The following NRCAM variants were observed in gnomAD, a reference collection of about 807,000 sequenced individuals.
NRCAM encodes neuronal cell adhesion molecule.
Under a neutral mutation model 156.5 loss-of-function variants are expected in NRCAM, and 83 were observed. The observed-to-expected ratio is 0.53, with a 90% CI of 0.44 to 0.64. NRCAM has a LOEUF of 0.64. Ranked by LOEUF, NRCAM falls within the 30% of genes least tolerant of loss-of-function variation. NRCAM has a pLI of 0.00. For missense variants in NRCAM, 1,417 were observed against 1,597.3 expected, an observed-to-expected ratio of 0.89 and a Z score of 1.92; for synonymous variants, 538 against 563.9, an observed-to-expected ratio of 0.95 and a Z score of 0.65.
chr7:108,440,136 A>G (rs1415836759), intron 1 of NRCAM, among the ~76,000 whole-genome samples: 2 of 152,154 alleles, frequency 1.3e-5, no homozygotes, highest in African/African-American at 2.4e-5. Context: ...ACTGGTGAAT[A>G]CGTAAACTCA....
chr7:108,412,047 A>T, intron 1 of NRCAM, among the ~76,000 whole-genome samples: 1 of 152,330 alleles, frequency 6.6e-6, no homozygotes, highest in East Asian at 1.9e-4. Context: ...AAATTTTGAT[A>T]AAAAATATCA....
chr7:108,185,132 T>G (rs1438898076), intron 20 of NRCAM, among the ~76,000 whole-genome samples: 2 of 152,140 alleles, frequency 1.3e-5, no homozygotes, highest in Non-Finnish European at 2.9e-5. Context: ...TTAACACACT[T>G]CGTTGACTAT....
At chr7:108,360,774 A>G (rs2099545166) in intron 2 of NRCAM, among the ~76,000 whole-genome samples, 1 of 152,198 alleles carries the variant, frequency 6.6e-6, no homozygotes, top group Non-Finnish European at 1.5e-5. Context: ...TGGTGTTGGG[A>G]TAAGTGGAAA....
chr7:108,382,764 T>C (rs1360470184), intron 2 of NRCAM, among the ~76,000 whole-genome samples: 4 of 152,160 alleles, frequency 2.6e-5, no homozygotes, highest in Admixed American at 1.3e-4. Context: ...AGTATCACTT[T>C]TCTTAAAAGC....
At chr7:108,402,618 G>A (rs2099796025) in intron 1 of NRCAM, among the ~76,000 whole-genome samples, 1 of 152,162 alleles carries the variant, frequency 6.6e-6, no homozygotes, top group African/African-American at 2.4e-5. Context: ...TCTATATGAA[G>A]CTGAATCTCT....
intron 8 of NRCAM, among the ~76,000 whole-genome samples, chr7:108,230,328 C>T (rs1181828367): frequency 1.3e-5 from 2 of 151,528 alleles, no homozygotes. Context: ...AAGTCCAAGT[C>T]ACCAACAAAT....
In NRCAM at chr7:108,176,539, A is replaced by C; in HGVS notation, c.3042T>G (p.Thr1014=). 1.2e-6 allele frequency: 2 copies of C among 1,613,812 alleles called. No homozygotes were observed. Among genetic ancestry groups the C allele is most frequent in the South Asian group, 1.1e-5 (1 of 91,072 alleles). ...LKIPANKTRW[T]LKNLNFSTRY... ...GAGTGCTGAAATTTAAATTTTTTAA[A>C]GTCCACCGTGTCTTGTTGGCAGGAA... is the stretch of plus-strand genomic sequence containing the variant. Residue 1014 remains threonine, a synonymous_variant, in exon 27 of 33, where the codon ACT becomes ACG. Coordinates refer to ENST00000379028, the MANE Select transcript of NRCAM (RefSeq NM_001037132.4).
Position 108,191,867 on chromosome 7 carries a change from G to A in NRCAM, c.1779-14C>T, listed in dbSNP as rs1301536845. 4 of 1,609,642 alleles carry A rather than the reference G, an allele frequency of 2.5e-6. No homozygotes were observed. Among genetic ancestry groups the A allele is most frequent in the Non-Finnish European group, 3.4e-6 (4 of 1,177,882 alleles). ...TCAACAGTGAACCTGTGGATAGAAT[G>A]CATTCAGAGCAGCTGAAATGGACAT... On this transcript the variant is annotated splice_polypyrimidine_tract_variant and intron_variant, in intron 17 of 32. Coordinates refer to ENST00000379028, the MANE Select transcript of NRCAM (RefSeq NM_001037132.4).
At chr7:108,391,777 C>CA (rs2099760903) in intron 2 of NRCAM, among the ~76,000 whole-genome samples, 1 of 152,186 alleles carries the variant, frequency 6.6e-6, no homozygotes, top group African/African-American at 2.4e-5. Flanking sequence ...CTGGTGGTGA[C>CA]AAAATCTCTC....
chr7:108,375,802 T>C (rs1276669072), intron 2 of NRCAM, among the ~76,000 whole-genome samples: 2 of 152,188 alleles, frequency 1.3e-5, no homozygotes, highest in Non-Finnish European at 2.9e-5. Context: ...ATGTGAAGTT[T>C]AAAAAATGTC....
At chr7:108,331,396 G>A (rs1593733158) in intron 2 of NRCAM, among the ~76,000 whole-genome samples, 1 of 151,388 alleles carries the variant, frequency 6.6e-6, no homozygotes, top group East Asian at 1.9e-4. Context: ...GTGAGACCCT[G>A]TCTCTAAACT....
At chr7:108,282,248 T>G (rs1349907608) in intron 3 of NRCAM, among the ~76,000 whole-genome samples, 1 of 152,226 alleles carries the variant, frequency 6.6e-6, no homozygotes, top group African/African-American at 2.4e-5. Context: ...TTAGGATTTC[T>G]CCTGTAAAAC....
At chr7:108,419,828 T>C (rs1424648458) in intron 1 of NRCAM, among the ~76,000 whole-genome samples, 1 of 152,180 alleles carries the variant, frequency 6.6e-6, no homozygotes, top group African/African-American at 2.4e-5. Context: ...GAACAGGTTT[T>C]GATGTCGGGG....
At chr7:108,349,557 C>T (rs956149716) in intron 2 of NRCAM, among the ~76,000 whole-genome samples, 5 of 152,188 alleles carry the variant, frequency 3.3e-5, no homozygotes, top group South Asian at 4.2e-4. Flanking sequence ...CATGAGCCAC[C>T]GTGCCTGGCT....
chr7:108,156,515 G>T, intron 32 of NRCAM: 2 of 630,954 alleles, frequency 3.2e-6, no homozygotes, highest in Non-Finnish European at 3.9e-6. Context: ...GCTTGGGGGT[G>T]GGTGTCAGAG....
chr7:108,454,853 T>C (rs1365733322), intron 1 of NRCAM, among the ~76,000 whole-genome samples: 2 of 152,150 alleles, frequency 1.3e-5, no homozygotes, highest in African/African-American at 4.8e-5. Flanking sequence ...GCGTTAACCA[T>C]CTGGGACTCG....
At chr7:108,163,122 G>A (rs1280395788) in intron 30 of NRCAM, among the ~76,000 whole-genome samples, 3 of 152,084 alleles carry the variant, frequency 2.0e-5, no homozygotes, top group Admixed American at 6.5e-5. Context: ...GAAGGGCTGG[G>A]TAGCGGAGTA....
intron 8 of NRCAM, among the ~76,000 whole-genome samples, chr7:108,230,708 C>G (rs1191639235): frequency 6.7e-6 from 1 of 150,282 alleles, no homozygotes; most frequent in Non-Finnish European, 1.5e-5. Flanking sequence ...TTCCTTAGGT[C>G]TCTGCTCAAA....
At chr7:108,404,164 C>A (rs979047799) in intron 1 of NRCAM, among the ~76,000 whole-genome samples, 1 of 152,050 alleles carries the variant, frequency 6.6e-6, no homozygotes, top group African/African-American at 2.4e-5. Context: ...GAGGGAGAGC[C>A]CGATGCACGA....
Sources: gnomAD v4.1 joint callset for allele counts (sites outside exome capture counted in the v4.1 genomes callset) on GRCh38, gnomAD v4.1.1 for gene constraint, MANE v1.5 for transcripts, NCBI Gene and HGNC (gene_info 2026-07-23, HGNC 2026-07-21) for gene names.